TEX14: variants seen among roughly 807,000 people sequenced by gnomAD.
The protein encoded by TEX14 is testis expressed 14, intercellular bridge forming factor, also known as inactive serine/threonine-protein kinase TEX14.
TEX14 carries 168 observed loss-of-function variants against 178.6 expected under a neutral mutation model. The ratio of observed to expected loss-of-function variants is 0.94; its 90% CI spans 0.83 to 1.07. The LOEUF (loss-of-function observed/expected upper bound fraction) is 1.07, where lower values mean the gene tolerates loss of function less well. Among genes scored for constraint, TEX14 ranks in the 50% least tolerant of loss-of-function variants. TEX14 has a pLI of 0.00. For missense variants in TEX14, 1,730 were observed against 1,753.6 expected, an observed-to-expected ratio of 0.99 and a Z score of 0.24; for synonymous variants, 626 against 634.1, an observed-to-expected ratio of 0.99 and a Z score of 0.19.
Position 58,592,819 on chromosome 17 carries a change from G to A in TEX14, c.2576+736C>T, listed in dbSNP as rs769698734. On this transcript the variant is annotated intron_variant, in intron 15 of 31. Coordinates refer to ENST00000349033, the MANE Select transcript of TEX14 (RefSeq NM_031272.5). ...CTCCCAAAGTGCTAGGATTACAGGC[G>A]TGACCCACCACACTCGGCCTGTTTT... 5.3e-5 allele frequency among the ~76,000 whole-genome samples: 8 copies of A among 152,262 alleles called. 1 individual carries two copies. Among genetic ancestry groups the A allele is most frequent in the South Asian group, 2.1e-4 (1 of 4,826 alleles).
At chr17:58,635,428 CTTTTTTTTT>C (rs548762963) in intron 2 of TEX14, among the ~76,000 whole-genome samples, 11 of 129,572 alleles carry the variant, frequency 8.5e-5, no homozygotes, top group African/African-American at 2.9e-4. Flanking sequence ...GGGCTTCTCT[CTTTTTTTTT>C]TTTTTTTTTT....
chr17:58,613,236 T>A (rs1172345628), intron 9 of TEX14, among the ~76,000 whole-genome samples, 185 bp downstream of exon 9: 2 of 150,810 alleles, frequency 1.3e-5, no homozygotes, highest in Non-Finnish European at 2.9e-5. Flanking sequence ...AATAAAACCG[T>A]ACTAATTCTG....
chr17:58,684,609 G>A (rs988759842), intron 1 of TEX14, among the ~76,000 whole-genome samples: 3 of 151,000 alleles, frequency 2.0e-5, no homozygotes, highest in Non-Finnish European at 2.9e-5. Flanking sequence ...CTCCAGCCTG[G>A]GCGACAGTGA....
chr17:58,574,217 T>A lies in TEX14; in HGVS notation c.3353A>T (p.Glu1118Val), dbSNP rs1282048504. The change falls in exon 22 of 32, where the codon GAG becomes GTG. Residue 1118 changes from glutamate (E) to valine (V), a missense_variant. Around this residue, in one of 2 missense-constraint regions of TEX14, gnomAD observed 941 missense variants for 1,072.4 expected, o/e 0.88. Transcript: ENST00000349033. ...TTTCTCTTTCAGTTCCTTTGGTGAC[T>A]CCTTTGATGTCTCTTCTTGTTCATC... is the stretch of plus-strand genomic sequence containing the variant. ...TEDEQEETSK[E>V]SPKELKEKDI... The A allele has an allele frequency of 2.5e-6, 4 of 1,613,660 alleles. No homozygotes were observed. The highest frequency in any genetic ancestry group is 2.5e-6 in the Non-Finnish European group (3 of 1,179,614).
At chr17:58,656,535 C>T (rs1027860375) in intron 1 of TEX14, among the ~76,000 whole-genome samples, 2 of 152,028 alleles carry the variant, frequency 1.3e-5, no homozygotes, top group Non-Finnish European at 2.9e-5. Flanking sequence ...GCAGGTGGAT[C>T]ATGAGGTCGG....
intron 6 of TEX14, among the ~76,000 whole-genome samples, chr17:58,617,250 CA>C (rs1264940623): frequency 6.6e-6 from 1 of 151,814 alleles, no homozygotes; most frequent in Admixed American, 6.6e-5. Flanking sequence ...GACTCTGTCT[CA>C]AAAAAATAAT....
chr17:58,614,593 T>TTTCAGC (rs2045827630), intron 8 of TEX14, among the ~76,000 whole-genome samples: 1 of 152,234 alleles, frequency 6.6e-6, no homozygotes. Context: ...AGGCTCCTTC[T>TTTCAGC]TTCAGCTTCC....
intron 9 of TEX14, among the ~76,000 whole-genome samples, chr17:58,612,633 G>C (rs2045773012): frequency 6.6e-6 from 1 of 151,598 alleles, no homozygotes; most frequent in African/African-American, 2.4e-5. Context: ...TACTTGGGAG[G>C]CTGAGGCATG....
chr17:58,615,812 A>G (rs932244695), intron 7 of TEX14, among the ~76,000 whole-genome samples: 12 of 152,308 alleles, frequency 7.9e-5, no homozygotes, highest in African/African-American at 2.9e-4. Flanking sequence ...GAGAGCAGAG[A>G]CATTAAAGTA....
In TEX14 at chr17:58,563,681, AGAGAGAGAGAGAGAGAGAGAGC is replaced by A. The variant is rs1246732866; in HGVS notation, c.4064+1166_4064+1187del. Among the ~76,000 whole-genome samples the A allele has an allele frequency of 6.5e-3, 632 of 97,896 alleles. 23 individuals carry two copies. The highest frequency in any genetic ancestry group is 8.2e-3 in the Non-Finnish European group (418 of 51,000). The allele number at this position is 97,896 out of a possible 152,430, so 64.2% of individuals were successfully genotyped here. ...TATAGAGAGAGAGAGAGAGAGAGAG[AGAGAGAGAGAGAGAGAGAGAGC>A]GCAAGATCATACATATGTATGTATA... On this transcript the variant is annotated intron_variant, in intron 28 of 31. Transcript: ENST00000349033.
intron 1 of TEX14, chr17:58,659,235 T>TGCCAAACACAA (rs57065505): frequency 2.0e-5 from 10 of 493,428 alleles, no homozygotes; most frequent in Admixed American, 6.4e-5. Flanking sequence ...AGCAAACACA[T>TGCCAAACACAA]AGTAAAAACC....
chr17:58,620,625 C>G (rs891460246), intron 5 of TEX14, among the ~76,000 whole-genome samples: 2 of 152,132 alleles, frequency 1.3e-5, no homozygotes, highest in Non-Finnish European at 2.9e-5. Flanking sequence ...TCCTGAGTAG[C>G]TGGGATTACA....
At chr17:58,629,905 T>C (rs1303377026) in intron 3 of TEX14, among the ~76,000 whole-genome samples, 1 of 42 alleles carries the variant, frequency 0.024, no homozygotes, top group African/African-American at 0.5. Context: ...GTGTTTCGTG[T>C]TTTTTTTTTT....
intron 5 of TEX14, among the ~76,000 whole-genome samples, chr17:58,620,612 G>A (rs1377584375): frequency 2.0e-5 from 3 of 152,088 alleles, no homozygotes; most frequent in Non-Finnish European, 4.4e-5. Context: ...GCCTGCCTCA[G>A]CCTCCTGAGT....
intron 1 of TEX14, among the ~76,000 whole-genome samples, chr17:58,669,555 G>A (rs1237777730): frequency 6.6e-6 from 1 of 151,536 alleles, no homozygotes; most frequent in Non-Finnish European, 1.5e-5. Flanking sequence ...CCAAAATGGT[G>A]AAACCCCATG....
intron 2 of TEX14, among the ~76,000 whole-genome samples, chr17:58,649,034 C>T (rs539509648): frequency 4.0e-4 from 61 of 151,166 alleles, no homozygotes; most frequent in Non-Finnish European, 4.9e-4. Flanking sequence ...GCCTCGGTCT[C>T]CCAAAGTGCT....
intron 1 of TEX14, chr17:58,660,986 A>T (rs750741114): frequency 8.6e-6 from 10 of 1,168,312 alleles, no homozygotes; most frequent in Non-Finnish European, 1.3e-5. Flanking sequence ...TTCTAAGCTG[A>T]TATCAATCCA....
rs1180956521 is a variant in TEX14, at chr17:58,563,658, T to TAGAG, written c.4064+1207_4064+1210dup. 5.9e-3 allele frequency among the ~76,000 whole-genome samples: 103 copies of TAGAG among 17,422 alleles called. 1 individual carries two copies. The highest frequency in any genetic ancestry group is 9.0e-3 in the Admixed American group (9 of 998). The allele number at this position is 17,422 out of a possible 152,430, so 11.4% of individuals were successfully genotyped here. A position where few individuals can be genotyped will look rare whatever the true frequency, so the allele number is the denominator to read the frequency against. On this transcript the variant is annotated intron_variant, in intron 28 of 31. Transcript: ENST00000349033. ...ATATATATATATATATATATATATA[T>TAGAG]AGAGAGAGAGAGAGAGAGAGAGAGA...
At chr17:58,661,731 G>C in intron 1 of TEX14, 4 of 572,328 alleles carry the variant, frequency 7.0e-6, no homozygotes, top group East Asian at 5.8e-5. Flanking sequence ...GGTGGCGTTG[G>C]GGGCGGCATA....
Sources: allele counts gnomAD v4.1 joint callset (sites outside exome capture counted in the v4.1 genomes callset), GRCh38; gene constraint gnomAD v4.1.1; regional missense constraint gnomAD v4.1.1; transcripts MANE v1.5; gene names NCBI Gene and HGNC (gene_info 2026-07-23, HGNC 2026-07-21).